Variants in TENM3 observed in about 807,000 individuals in gnomAD.
The protein encoded by TENM3 is teneurin-3.
In TENM3, 63 loss-of-function variants were observed where a neutral mutation model predicts 255.1. The ratio of observed to expected loss-of-function variants is 0.25; its 90% CI spans 0.20 to 0.30. The LOEUF is 0.30. TENM3 is among the 10% of genes least tolerant of loss of function. The pLI, the probability that TENM3 is intolerant of heterozygous loss-of-function variation, is 1.00. For synonymous variants in TENM3, 1,306 were observed against 1,322.3 expected (o/e 0.99, Z 0.27); for missense variants, 2,929 against 3,461.1 (o/e 0.85, Z 3.86).
At chr4:182,580,999 A>G (rs1454520276) in intron 3 of TENM3, among the ~76,000 whole-genome samples, 1 of 152,196 alleles carries the variant, frequency 6.6e-6, no homozygotes, top group Non-Finnish European at 1.5e-5. Flanking sequence ...AAAATTATAT[A>G]TTTAAGGTGT....
At chr4:182,580,714 C>T (rs1050150540) in intron 3 of TENM3, among the ~76,000 whole-genome samples, 3 of 152,194 alleles carry the variant, frequency 2.0e-5, no homozygotes, top group Non-Finnish European at 4.4e-5. Context: ...TTACCTGTTT[C>T]AACTCAGTGC....
chr4:182,130,533 G>A, the TENM3 span, among the ~76,000 whole-genome samples: 1 of 152,112 alleles, frequency 6.6e-6, no homozygotes, highest in Non-Finnish European at 1.5e-5. Context: ...CACTTTTGGA[G>A]GTGTCTACTT....
At chr4:182,248,732 C>G (rs1374947555) in intron 1 of TENM3, among the ~76,000 whole-genome samples, 1 of 152,140 alleles carries the variant, frequency 6.6e-6, no homozygotes, top group African/African-American at 2.4e-5. Context: ...TACTACGTGC[C>G]AGCTCATATT....
At chr4:182,231,287 C>T (rs770702004) in intron 1 of TENM3, among the ~76,000 whole-genome samples, 1 of 151,980 alleles carries the variant, frequency 6.6e-6, no homozygotes, top group Non-Finnish European at 1.5e-5. Context: ...TCCTACCAGA[C>T]CAAAAAGTAC....
chr4:181,552,821 G>A, the TENM3 span, among the ~76,000 whole-genome samples: 1 of 152,302 alleles, frequency 6.6e-6, no homozygotes, highest in East Asian at 1.9e-4. Context: ...AAGTCTTTCC[G>A]TATTCCAATG....
intron 1 of TENM3, among the ~76,000 whole-genome samples, chr4:182,194,856 C>G (rs1330336303): frequency 6.6e-6 from 1 of 152,138 alleles, no homozygotes; most frequent in Admixed American, 6.5e-5. Context: ...GATTGCAGCT[C>G]CTCAGCGACC....
the TENM3 span, among the ~76,000 whole-genome samples, chr4:181,725,569 G>T: frequency 6.6e-6 from 1 of 151,948 alleles, no homozygotes; most frequent in Non-Finnish European, 1.5e-5. Flanking sequence ...CTCCTGAGTA[G>T]CTGGGACTAC....
At chr4:182,456,336 C>T (rs999745211) in intron 3 of TENM3, among the ~76,000 whole-genome samples, 2 of 152,174 alleles carry the variant, frequency 1.3e-5, no homozygotes, top group African/African-American at 4.8e-5. Context: ...CAGAAAGGTT[C>T]TGAGTAAAGA....
chr4:182,800,488 C>A lies in TENM3; in HGVS notation c.*137C>A. On this transcript the variant is annotated 3_prime_UTR_variant, in exon 28 of 28. Coordinates refer to ENST00000511685, the MANE Select transcript of TENM3 (RefSeq NM_001080477.4). Reference sequence around the variant, plus strand: ...GCTGTTACGACCCACACCCACACCGCGAAAACAAGGACCGCTTTTTTCCGA... The same window carrying A: ...GCTGTTACGACCCACACCCACACCGAGAAAACAAGGACCGCTTTTTTCCGA... The A allele has an allele frequency of 9.0e-7, 1 of 1,115,008 alleles. No individual in the cohort carries two copies. Among genetic ancestry groups the A allele is most frequent in the South Asian group, 1.7e-5 (1 of 60,324 alleles). 69.1% of individuals were successfully genotyped at this position (1,115,008 alleles called of 1,614,324 possible). A position where few individuals can be genotyped will look rare whatever the true frequency, so the allele number is the denominator to read the frequency against.
At chr4:182,533,249 A>G (rs868864149) in intron 3 of TENM3, among the ~76,000 whole-genome samples, 3 of 152,156 alleles carry the variant, frequency 2.0e-5, no homozygotes, top group South Asian at 2.1e-4. Flanking sequence ...TCTGCAATCT[A>G]TTCTTAAAAT....
At chr4:181,674,466 C>T in the TENM3 span, among the ~76,000 whole-genome samples, 2 of 149,252 alleles carry the variant, frequency 1.3e-5, no homozygotes, top group Non-Finnish European at 3.0e-5. Context: ...CTGAGTCAGA[C>T]AACATCAAAT....
At chr4:181,678,482 T>C in the TENM3 span, among the ~76,000 whole-genome samples, 1,750 of 152,168 alleles carry the variant, frequency 0.012, 30 homozygotes, top group African/African-American at 0.04. Flanking sequence ...TTTCCTCTAA[T>C]CCACAAACTT....
At chr4:182,048,624 T>A in the TENM3 span, among the ~76,000 whole-genome samples, 1 of 152,206 alleles carries the variant, frequency 6.6e-6, no homozygotes, top group Non-Finnish European at 1.5e-5. Flanking sequence ...GATATGTTTT[T>A]GTACCTCTAT....
At chr4:182,542,092 A>G (rs1160559597) in intron 3 of TENM3, among the ~76,000 whole-genome samples, 2 of 152,094 alleles carry the variant, frequency 1.3e-5, no homozygotes, top group African/African-American at 4.8e-5. Flanking sequence ...ACAGCCATAT[A>G]TAGCAGTTTT....
chr4:181,506,562 G>T, the TENM3 span, among the ~76,000 whole-genome samples: 2 of 151,886 alleles, frequency 1.3e-5, no homozygotes, highest in African/African-American at 4.8e-5. Flanking sequence ...TACGCTGTCC[G>T]GCATCATCTC....
chr4:182,228,057 G>C (rs919550569), intron 1 of TENM3, among the ~76,000 whole-genome samples: 2 of 152,060 alleles, frequency 1.3e-5, no homozygotes, highest in African/African-American at 4.8e-5. Context: ...ATAAAATAGT[G>C]GTAACCAGGA....
the TENM3 span, among the ~76,000 whole-genome samples, chr4:182,041,434 C>A: frequency 6.6e-6 from 1 of 152,132 alleles, no homozygotes; most frequent in Admixed American, 6.5e-5. Flanking sequence ...AGCAAAGACT[C>A]TATGTGAACA....
chr4:182,228,951 G>A (rs1756377971), intron 1 of TENM3, among the ~76,000 whole-genome samples: 1 of 152,112 alleles, frequency 6.6e-6, no homozygotes, highest in African/African-American at 2.4e-5. Context: ...TACTGTCATG[G>A]GGCATGTCTC....
intron 3 of TENM3, among the ~76,000 whole-genome samples, chr4:182,505,091 G>C (rs1040559635): frequency 6.6e-6 from 1 of 152,126 alleles, no homozygotes; most frequent in African/African-American, 2.4e-5. Flanking sequence ...ATTTGTATCA[G>C]TATAATCAAT....
Sources: gnomAD v4.1 joint callset for allele counts (sites outside exome capture counted in the v4.1 genomes callset) on GRCh38, gnomAD v4.1.1 for gene constraint, MANE v1.5 for transcripts, NCBI Gene and HGNC (gene_info 2026-07-23, HGNC 2026-07-21) for gene names.